Variants in TPO observed in about 807,000 individuals in gnomAD.
TPO encodes the protein thyroid peroxidase, also known as thyroid microsomal antigen.
A neutral mutation model predicts 96.9 loss-of-function variants in TPO; 78 were observed. The ratio of observed to expected loss-of-function variants is 0.81; its 90% CI spans 0.67 to 0.97. The LOEUF is 0.97. Among genes scored for constraint, TPO ranks in the 50% least tolerant of loss-of-function variants. The probability of loss-of-function intolerance (pLI) is 0.00; values close to 1 mark genes in which losing one functional copy is unlikely to be tolerated. For synonymous variants in TPO, 547 were observed against 538.0 expected, an observed-to-expected ratio of 1.02 and a Z score of -0.23; for missense variants, 1,252 against 1,274.8, an observed-to-expected ratio of 0.98 and a Z score of 0.27.
chr2:1,480,559 T>TACACACACACACACACAC (rs3036105), intron 8 of TPO, among the ~76,000 whole-genome samples: 606 of 44,344 alleles, frequency 0.014, 42 homozygotes, highest in Non-Finnish European at 0.017. Flanking sequence ...TCAAACCCCC[T>TACACACACACACACACAC]ACACACACAC....
At chr2:1,489,119 GCACATGCCCA>G (rs1045630355) in intron 10 of TPO, among the ~76,000 whole-genome samples, 1 of 145,846 alleles carries the variant, frequency 6.9e-6, no homozygotes, top group East Asian at 2.0e-4. Context: ...CACATGACCA[GCACATGCCCA>G]CACATGACCA....
chr2:1,477,828 C>G (rs1670129219), intron 8 of TPO: 1 of 985,274 alleles, frequency 1.0e-6, no homozygotes, highest in African/African-American at 1.7e-5. Context: ...GTGCAGGGGC[C>G]GAAGGGTAAC....
chr2:1,457,279 A>G, intron 7 of TPO, among the ~76,000 whole-genome samples: 1 of 70,958 alleles, frequency 1.4e-5, no homozygotes, highest in East Asian at 3.9e-4. Flanking sequence ...CATGTATGAT[A>G]GTGTGGGCAG....
chr2:1,516,733 T>C (rs971473021), intron 14 of TPO, 150 bp from the exon 15 acceptor site: 2 of 729,674 alleles, frequency 2.7e-6, no homozygotes, highest in Middle Eastern at 3.7e-4. Flanking sequence ...ATGGCTTTTC[T>C]GGGCAGATAA....
intron 10 of TPO, among the ~76,000 whole-genome samples, 198 bp from the exon 11 acceptor site, chr2:1,493,604 T>C (rs1440076899): frequency 1.3e-5 from 2 of 148,940 alleles, no homozygotes; most frequent in African/African-American, 5.1e-5. Flanking sequence ...TGCCGGGCAG[T>C]GTCACAGGGT....
At chr2:1,534,273 CAATATGAGCAACCTCCTCACATCCCCCT>C (rs1414827985) in intron 15 of TPO, among the ~76,000 whole-genome samples, 4 of 136,282 alleles carry the variant, frequency 2.9e-5, no homozygotes, top group African/African-American at 8.3e-5. Flanking sequence ...CAAATCCCCC[CAATATGAGCAACCTCCTCACATCCCCCT>C]CGCTGTGCGC....
Position 1,542,647 on chromosome 2 carries a change from G to A in TPO, c.*173G>A, listed in dbSNP as rs1420593601. 2 of 1,535,402 alleles carry A rather than the reference G, an allele frequency of 1.3e-6. No homozygotes were observed. Among genetic ancestry groups the A allele is most frequent in the African/African-American group, 2.7e-5 (2 of 72,782 alleles). On this transcript the variant is annotated 3_prime_UTR_variant, in exon 17 of 17. Transcript: ENST00000329066. Reference sequence around the variant, plus strand: ...GCATGGATGAATAAATGTTATAGCTGCATTTGTCTGGCCTTTTCTTGTAAA... The same window carrying A: ...GCATGGATGAATAAATGTTATAGCTACATTTGTCTGGCCTTTTCTTGTAAA...
At chr2:1,461,424 C>A (rs1310771402) in intron 7 of TPO, among the ~76,000 whole-genome samples, 1 of 152,214 alleles carries the variant, frequency 6.6e-6, no homozygotes, top group African/African-American at 2.4e-5. Context: ...TGGCCCTAGG[C>A]ACTGTGGCTA....
chr2:1,439,202 T>A, intron 5 of TPO: 1 of 235,932 alleles, frequency 4.2e-6, no homozygotes, highest in Non-Finnish European at 8.3e-6. Context: ...CTGACGCTCC[T>A]GGGAGAATCT....
intron 15 of TPO, among the ~76,000 whole-genome samples, chr2:1,526,830 C>CCAAATCCCACCTAATGTGTGCAACATCCT: frequency 7.5e-6 from 1 of 133,858 alleles, no homozygotes; most frequent in African/African-American, 2.9e-5. Context: ...TGCAACCTCC[C>CCAAATCCCACCTAATGTGTGCAACATCCT]CAAATCCTCC....
intron 7 of TPO, among the ~76,000 whole-genome samples, chr2:1,475,454 C>T (rs895383887): frequency 1.3e-5 from 2 of 151,350 alleles, no homozygotes; most frequent in Non-Finnish European, 2.9e-5. Flanking sequence ...GACGGAATCT[C>T]GCTCTGTCAC....
Position 1,510,240 on chromosome 2 carries a change from TCA to T in TPO, c.2518+6164_2518+6165del, listed in dbSNP as rs1431872621. 2.0e-5 allele frequency among the ~76,000 whole-genome samples: 3 copies of T among 150,366 alleles called. No homozygotes were observed. In the East Asian group the frequency reaches 6.0e-4, roughly 30 times the overall value. ...TAGCCAGGTAGCGAAGCTGCCACATTCACAGAGAGGAGCTCAGCTGCTTTCCG... is the reference window on the plus strand; with the variant it reads ...TAGCCAGGTAGCGAAGCTGCCACATTCAGAGAGGAGCTCAGCTGCTTTCCG... On this transcript the variant is annotated intron_variant, in intron 14 of 16. Coordinates refer to ENST00000329066, the MANE Select transcript of TPO (RefSeq NM_001206744.2).
intron 15 of TPO, 142 bp from the exon 16 acceptor site, chr2:1,540,452 T>C (rs1320631621): frequency 6.3e-7 from 1 of 1,576,022 alleles, no homozygotes; most frequent in African/African-American, 1.3e-5. Context: ...TCGACTTGAC[T>C]GAAGTGTGAA....
intron 7 of TPO, among the ~76,000 whole-genome samples, chr2:1,461,245 C>T (rs1455720981): frequency 6.6e-6 from 1 of 152,176 alleles, no homozygotes; most frequent in Non-Finnish European, 1.5e-5. Context: ...CCCACACACC[C>T]GCCCCCAGAG....
chr2:1,520,436 G>T (rs920331127), intron 15 of TPO, among the ~76,000 whole-genome samples: 2 of 152,184 alleles, frequency 1.3e-5, no homozygotes, highest in African/African-American at 4.8e-5. Flanking sequence ...AACCCAGCAC[G>T]GTGTGGCACA....
At chr2:1,442,597 G>T (rs532144635) in intron 5 of TPO, among the ~76,000 whole-genome samples, 145 of 152,312 alleles carry the variant, frequency 9.5e-4, no homozygotes, top group African/African-American at 3.1e-3. Flanking sequence ...TTCTCTGTGT[G>T]TTCTTGAGAA....
chr2:1,384,684 C>T (rs2148348407), intron 1 of TPO, among the ~76,000 whole-genome samples: 1 of 152,192 alleles, frequency 6.6e-6, no homozygotes, highest in Middle Eastern at 3.4e-3. Context: ...TCCTCTTTTC[C>T]TAATTGAATA....
intron 15 of TPO, among the ~76,000 whole-genome samples, chr2:1,531,250 TC>T (rs1414450461): frequency 7.8e-5 from 6 of 76,560 alleles, no homozygotes; most frequent in African/African-American, 2.5e-4. Context: ...CGCCTCATAT[TC>T]CCCCCACTGT....
chr2:1,466,781 T>C (rs1668937376), intron 7 of TPO, among the ~76,000 whole-genome samples: 1 of 152,230 alleles, frequency 6.6e-6, no homozygotes, highest in African/African-American at 2.4e-5. Context: ...CTTTTCTTGG[T>C]TAACCTTGCT....
Sources: gnomAD v4.1 joint callset for allele counts (sites outside exome capture counted in the v4.1 genomes callset) on GRCh38, gnomAD v4.1.1 for gene constraint, MANE v1.5 for transcripts, NCBI Gene and HGNC (gene_info 2026-07-23, HGNC 2026-07-21) for gene names.